FUT8: variants seen among roughly 807,000 people sequenced by gnomAD.
FUT8 encodes alpha-(1,6)-fucosyltransferase.
FUT8 carries 29 observed loss-of-function variants against 71.3 expected under a neutral mutation model. The observed-to-expected ratio is 0.41, with a 90% CI of 0.30 to 0.55. FUT8 has a LOEUF of 0.55. Ranked by LOEUF, FUT8 falls within the 20% of genes least tolerant of loss-of-function variation. FUT8 has a pLI of 0.34. For missense variants in FUT8, 544 were observed against 702.1 expected (o/e 0.77, Z 2.55); for synonymous variants, 254 against 239.3 (o/e 1.06, Z -0.57).
chr14:65,741,597 A>T (rs148260316), intron 10 of FUT8, among the ~76,000 whole-genome samples: 1 of 152,144 alleles, frequency 6.6e-6, no homozygotes, highest in African/African-American at 2.4e-5. Flanking sequence ...TCTGACACCA[A>T]GTTATAAATT....
intron 2 of FUT8, among the ~76,000 whole-genome samples, chr14:65,466,941 C>T (rs916837519): frequency 6.6e-6 from 1 of 152,058 alleles, no homozygotes; most frequent in Non-Finnish European, 1.5e-5. Flanking sequence ...ATTTGTTTTA[C>T]TTTTCCATAA....
intron 5 of FUT8, among the ~76,000 whole-genome samples, chr14:65,626,917 C>G (rs1160322952): frequency 6.6e-6 from 1 of 152,164 alleles, no homozygotes; most frequent in African/African-American, 2.4e-5. Flanking sequence ...AGGGATGAAG[C>G]TGGAGCTACA....
chr14:65,728,990 A>G (rs1256572389), intron 9 of FUT8, among the ~76,000 whole-genome samples: 1 of 151,540 alleles, frequency 6.6e-6, no homozygotes, highest in Admixed American at 6.6e-5. Context: ...TAATACAGCA[A>G]TAGATCCATT....
chr14:65,525,538 A>T (rs1206639515), intron 2 of FUT8, among the ~76,000 whole-genome samples: 2 of 152,086 alleles, frequency 1.3e-5, no homozygotes, highest in East Asian at 3.9e-4. Context: ...TGATTTTTTG[A>T]AGGGTTTTTT....
At chr14:65,740,687 A>G (rs1218925977) in intron 10 of FUT8, among the ~76,000 whole-genome samples, 2 of 151,962 alleles carry the variant, frequency 1.3e-5, no homozygotes, top group Non-Finnish European at 2.9e-5. Flanking sequence ...GAGGTGCCAC[A>G]TATTTTTAAA....
rs1285012267 is a variant in FUT8 at position 65,436,663 on chromosome 14, G to A, written c.-325-18958G>A. ...AAAAAAAAAGTTTTTTTCCAAAATA[G>A]AATAGTAAATGGCCCTGACAAGGTC... is the stretch of plus-strand genomic sequence containing the variant. On this transcript the variant is annotated intron_variant, in intron 1 of 10. Transcript: ENST00000673929. 2.7e-5 allele frequency among the ~76,000 whole-genome samples: 4 copies of A among 150,406 alleles called. No homozygotes were observed. In the East Asian group the frequency reaches 5.9e-4, roughly 22 times the overall value.
At chr14:65,625,879 A>G (rs574704631) in intron 5 of FUT8, among the ~76,000 whole-genome samples, 9 of 152,194 alleles carry the variant, frequency 5.9e-5, no homozygotes, top group Non-Finnish European at 8.8e-5. Context: ...GTGATAGTAA[A>G]TAAGACTTTC....
chr14:65,731,235 C>T (rs957033313), intron 9 of FUT8, among the ~76,000 whole-genome samples: 15 of 152,170 alleles, frequency 9.9e-5, no homozygotes, highest in African/African-American at 2.9e-4. Context: ...AATTTAGATA[C>T]GTCTCCTGAA....
intron 1 of FUT8, among the ~76,000 whole-genome samples, chr14:65,450,953 T>C (rs1566755427): frequency 6.6e-6 from 1 of 151,724 alleles, no homozygotes; most frequent in Non-Finnish European, 1.5e-5. Flanking sequence ...GCCTCCCAGG[T>C]TCACGCCATT....
At chr14:65,477,920 G>A (rs932685829) in intron 2 of FUT8, among the ~76,000 whole-genome samples, 1 of 151,408 alleles carries the variant, frequency 6.6e-6, no homozygotes, top group Non-Finnish European at 1.5e-5. Flanking sequence ...TGGTTTAAAC[G>A]TTACGAGGCA....
chr14:65,741,351 C>T (rs550737013), intron 10 of FUT8, among the ~76,000 whole-genome samples: 38 of 151,984 alleles, frequency 2.5e-4, no homozygotes, highest in Non-Finnish European at 4.9e-4. Context: ...CAGAAATTGC[C>T]GATGTGTTTT....
At chr14:65,715,478 T>G (rs1206529627) in intron 7 of FUT8, among the ~76,000 whole-genome samples, 1 of 152,212 alleles carries the variant, frequency 6.6e-6, no homozygotes, top group Admixed American at 6.5e-5. Flanking sequence ...GCTCTGATCT[T>G]TATTCTTCTC....
intron 2 of FUT8, among the ~76,000 whole-genome samples, chr14:65,507,150 C>T (rs1321002855): frequency 6.6e-6 from 1 of 152,178 alleles, no homozygotes; most frequent in Non-Finnish European, 1.5e-5. Context: ...AAAGGTTAGT[C>T]TTAAGATTAT....
chr14:65,544,171 A>C (rs560423198), intron 2 of FUT8, among the ~76,000 whole-genome samples: 1 of 152,298 alleles, frequency 6.6e-6, no homozygotes, highest in South Asian at 2.1e-4. Context: ...CAAAGGCTGC[A>C]TGTTGGGTAA....
chr14:65,597,663 T>G (rs1472303421), intron 3 of FUT8, among the ~76,000 whole-genome samples: 1 of 151,378 alleles, frequency 6.6e-6, no homozygotes, highest in Non-Finnish European at 1.5e-5. Context: ...GAATGGTGCA[T>G]ATCACAGAAT....
intron 1 of FUT8, among the ~76,000 whole-genome samples, chr14:65,441,461 C>G (rs1170733122): frequency 6.6e-6 from 1 of 152,034 alleles, no homozygotes; most frequent in Admixed American, 6.6e-5. Flanking sequence ...GAGTACAGGT[C>G]TGGGCATGGT....
rs1170510758 is a variant in FUT8, at chr14:65,413,445, C to T, written c.-326+231C>T. Among the ~76,000 whole-genome samples the T allele has an allele frequency of 6.6e-6, 1 of 152,000 alleles. No individual in the cohort carries two copies. Among genetic ancestry groups the T allele is most frequent in the Non-Finnish European group, 1.5e-5 (1 of 68,012 alleles). ...GGCGCGGGCAGAGGGTGAGGGGCGC[C>T]CGCCTCTCCAGCCGGGACGCGGAGC... is the stretch of plus-strand genomic sequence containing the variant. On this transcript the variant is annotated intron_variant, in intron 1 of 10. Coordinates refer to ENST00000673929, the MANE Select transcript of FUT8 (RefSeq NM_001371533.1). This position sits in a 1 kb window ranked among gnomAD's most constrained non-coding sequence, Gnocchi z 4.1.
intron 1 of FUT8, among the ~76,000 whole-genome samples, chr14:65,453,419 C>G (rs1173916283): frequency 6.6e-6 from 1 of 152,128 alleles, no homozygotes; most frequent in East Asian, 1.9e-4. Flanking sequence ...ATTTAATTTT[C>G]CCCACTACTG....
intron 7 of FUT8, among the ~76,000 whole-genome samples, chr14:65,673,355 A>G (rs905354073): frequency 3.3e-5 from 5 of 152,254 alleles, no homozygotes; most frequent in African/African-American, 1.2e-4. Flanking sequence ...GCTGTACTAC[A>G]TGAAGACAGA....
Sources: allele counts gnomAD v4.1 joint callset (sites outside exome capture counted in the v4.1 genomes callset), GRCh38; gene constraint gnomAD v4.1.1; non-coding constraint Gnocchi (gnomAD v3.1); transcripts MANE v1.5; gene names NCBI Gene and HGNC (gene_info 2026-07-23, HGNC 2026-07-21).